The following PRKAG2 variants were observed in gnomAD, a reference collection of about 807,000 sequenced individuals.
PRKAG2 encodes the protein protein kinase AMP-activated non-catalytic subunit gamma 2, also known as 5'-AMP-activated protein kinase subunit gamma-2.
A neutral mutation model predicts 69.6 loss-of-function variants in PRKAG2; 26 were observed. The ratio of observed to expected loss-of-function variants is 0.37; its 90% CI spans 0.27 to 0.52. The LOEUF (loss-of-function observed/expected upper bound fraction) is 0.52, where lower values mean the gene tolerates loss of function less well. Ranked by LOEUF, PRKAG2 falls within the 20% of genes least tolerant of loss-of-function variation. The pLI is 0.90. For missense variants in PRKAG2, 557 were observed against 740.0 expected (o/e 0.75, Z 2.87); for synonymous variants, 293 against 285.0 (o/e 1.03, Z -0.28).
At chr7:151,874,155 TG>T (rs1284024256) in intron 1 of PRKAG2, among the ~76,000 whole-genome samples, 1 of 129,606 alleles carries the variant, frequency 7.7e-6, no homozygotes, top group Non-Finnish European at 1.6e-5. Context: ...TATATGTATA[TG>T]ATGTATATGT....
At chr7:151,658,114 C>T (rs961201688) in intron 4 of PRKAG2, among the ~76,000 whole-genome samples, 1 of 149,962 alleles carries the variant, frequency 6.7e-6, no homozygotes, top group Admixed American at 6.7e-5. Context: ...GCCGAGATTG[C>T]GCCACTGTAC....
intron 3 of PRKAG2, among the ~76,000 whole-genome samples, chr7:151,750,267 C>T (rs1244441555): frequency 6.6e-6 from 1 of 152,018 alleles, no homozygotes; most frequent in African/African-American, 2.4e-5. Context: ...AGGTATATAC[C>T]CAAGAGAACT....
intron 3 of PRKAG2, among the ~76,000 whole-genome samples, chr7:151,726,408 A>T (rs907092761): frequency 7.3e-6 from 1 of 136,982 alleles, no homozygotes; most frequent in East Asian, 2.2e-4. Context: ...ACACGCACAC[A>T]CACACAGAGC....
intron 3 of PRKAG2, among the ~76,000 whole-genome samples, chr7:151,696,232 C>T (rs747657867): frequency 1.3e-5 from 2 of 152,210 alleles, no homozygotes; most frequent in African/African-American, 2.4e-5. Flanking sequence ...AAGCTTCAGC[C>T]GCAGCTCACA....
At chr7:151,678,563 C>T (rs1331769039) in intron 3 of PRKAG2, among the ~76,000 whole-genome samples, 1 of 152,078 alleles carries the variant, frequency 6.6e-6, no homozygotes, top group Non-Finnish European at 1.5e-5. Flanking sequence ...TCTGGAAGCC[C>T]CGGGCTGGCA....
intron 5 of PRKAG2, among the ~76,000 whole-genome samples, chr7:151,597,051 A>G (rs999559248): frequency 6.6e-6 from 1 of 152,230 alleles, no homozygotes; most frequent in Non-Finnish European, 1.5e-5. Context: ...TATAATAACC[A>G]AAACAGCATG....
intron 3 of PRKAG2, among the ~76,000 whole-genome samples, chr7:151,745,245 A>G (rs1308790546): frequency 2.6e-5 from 4 of 152,202 alleles, no homozygotes; most frequent in African/African-American, 9.7e-5. Flanking sequence ...CTCATTATGC[A>G]AGAGGGCACG....
intron 1 of PRKAG2, among the ~76,000 whole-genome samples, chr7:151,797,603 A>C (rs2077620335): frequency 6.6e-6 from 1 of 152,150 alleles, no homozygotes; most frequent in Non-Finnish European, 1.5e-5. Flanking sequence ...ATTCTTCCCC[A>C]ACACTTTCTA....
chr7:151,727,226 AC>A (rs1798132627), intron 3 of PRKAG2, among the ~76,000 whole-genome samples: 1 of 149,908 alleles, frequency 6.7e-6, no homozygotes. Context: ...AAAAAAAAAA[AC>A]AAAAAACAAA....
At chr7:151,619,352 T>C (rs970289972) in intron 5 of PRKAG2, among the ~76,000 whole-genome samples, 3 of 152,128 alleles carry the variant, frequency 2.0e-5, no homozygotes, top group African/African-American at 7.2e-5. Context: ...CAGTGGAGCA[T>C]CCATAATCCA....
chr7:151,664,333 C>T (rs1830729232), intron 4 of PRKAG2, among the ~76,000 whole-genome samples: 1 of 152,110 alleles, frequency 6.6e-6, no homozygotes, highest in Non-Finnish European at 1.5e-5. Context: ...TCCGATATTC[C>T]CATTTAACAG....
intron 3 of PRKAG2, among the ~76,000 whole-genome samples, chr7:151,692,735 G>A (rs1835879964): frequency 1.3e-5 from 2 of 152,148 alleles, no homozygotes; most frequent in African/African-American, 4.8e-5. Context: ...GGATGGAGAC[G>A]CCTCAGCATG....
intron 1 of PRKAG2, among the ~76,000 whole-genome samples, chr7:151,796,638 C>G (rs1340574266): frequency 6.6e-6 from 1 of 152,158 alleles, no homozygotes; most frequent in Non-Finnish European, 1.5e-5. Context: ...CCAGTTGGAG[C>G]TCGGCAAGGA....
At chr7:151,857,562 G>A (rs1287530101) in intron 1 of PRKAG2, among the ~76,000 whole-genome samples, 6 of 152,206 alleles carry the variant, frequency 3.9e-5, no homozygotes, top group East Asian at 1.9e-4. Flanking sequence ...GGGCTCAGGC[G>A]CCAGACGGCT....
chr7:151,629,182 A>C (rs929368725), intron 5 of PRKAG2, among the ~76,000 whole-genome samples: 1 of 152,156 alleles, frequency 6.6e-6, no homozygotes, highest in Non-Finnish European at 1.5e-5. Context: ...TGTGACAGAA[A>C]CTGAGACCAT....
intron 4 of PRKAG2, among the ~76,000 whole-genome samples, chr7:151,674,198 T>C (rs547306501): frequency 7.2e-5 from 11 of 152,228 alleles, no homozygotes; most frequent in African/African-American, 9.6e-5. Flanking sequence ...GGAAGATGGC[T>C]ATGTGAGAAC....
chr7:151,556,188 A>C lies in PRKAG2; in HGVS notation c.*1013T>G, dbSNP rs1049389223. ...AAAAAAAAACCCAAAACAAAAAAAA[A>C]ACAAACTATCCTCATATATATATAT... On this transcript the variant is annotated 3_prime_UTR_variant, in exon 16 of 16. Coordinates refer to ENST00000287878, the MANE Select transcript of PRKAG2 (RefSeq NM_016203.4). 22 of 151,440 alleles carry C rather than the reference A, an allele frequency of 1.5e-4. No homozygotes were observed. The highest frequency in any genetic ancestry group is 5.1e-4 in the African/African-American group (21 of 41,338). 9.4% of individuals were successfully genotyped at this position (151,440 alleles called of 1,614,324 possible).
At chr7:151,574,055 A>G (rs1808328491) in intron 8 of PRKAG2, among the ~76,000 whole-genome samples, 1 of 152,264 alleles carries the variant, frequency 6.6e-6, no homozygotes, top group African/African-American at 2.4e-5. Context: ...CTGGGATTAC[A>G]GGCGTGAGCC....
At chr7:151,635,727 T>C (rs1387654493) in intron 4 of PRKAG2, among the ~76,000 whole-genome samples, 5 of 152,304 alleles carry the variant, frequency 3.3e-5, no homozygotes, top group African/African-American at 1.2e-4. Context: ...AAGAGGATAA[T>C]GTAAGAGATC....
Sources: allele counts gnomAD v4.1 joint callset (sites outside exome capture counted in the v4.1 genomes callset), GRCh38; gene constraint gnomAD v4.1.1; transcripts MANE v1.5; gene names NCBI Gene and HGNC (gene_info 2026-07-23, HGNC 2026-07-21).